The following EPB41L2 variants were observed in gnomAD, a reference collection of about 807,000 sequenced individuals.
EPB41L2 encodes band 4.1-like protein 2.
A neutral mutation model predicts 113.0 loss-of-function variants in EPB41L2; 43 were observed. The observed-to-expected ratio is 0.38, with a 90% CI of 0.30 to 0.49. EPB41L2 has a LOEUF of 0.49. Among genes scored for constraint, EPB41L2 ranks in the 20% least tolerant of loss-of-function variants. The pLI is 0.95. For synonymous variants in EPB41L2, 442 were observed against 436.7 expected (o/e 1.01, Z -0.15); for missense variants, 1,147 against 1,223.4 (o/e 0.94, Z 0.93).
At chr6:130,988,487 G>A (rs1213247812) in intron 1 of EPB41L2, among the ~76,000 whole-genome samples, 14 of 152,256 alleles carry the variant, frequency 9.2e-5, no homozygotes, top group South Asian at 6.2e-4. Flanking sequence ...GACTATTCCT[G>A]AAAAGTTTTA....
At chr6:130,982,587 A>C (rs1779622972) in intron 1 of EPB41L2, among the ~76,000 whole-genome samples, 1 of 152,210 alleles carries the variant, frequency 6.6e-6, no homozygotes, top group African/African-American at 2.4e-5. Flanking sequence ...GGACATGAAA[A>C]CTTTGTGTCA....
chr6:131,044,465 CA>C (rs1391726639), intron 1 of EPB41L2, among the ~76,000 whole-genome samples: 1 of 152,062 alleles, frequency 6.6e-6, no homozygotes, highest in Non-Finnish European at 1.5e-5. Flanking sequence ...ACATTTTTGA[CA>C]AAAAAGTAGA....
chr6:130,992,508 T>C (rs1782122929), intron 1 of EPB41L2, among the ~76,000 whole-genome samples: 1 of 152,120 alleles, frequency 6.6e-6, no homozygotes, highest in Admixed American at 6.6e-5. Flanking sequence ...ACAAACCAAA[T>C]CCCAGTAAAA....
intron 1 of EPB41L2, among the ~76,000 whole-genome samples, chr6:130,988,775 G>A (rs1781143257): frequency 6.6e-6 from 1 of 152,144 alleles, no homozygotes; most frequent in African/African-American, 2.4e-5. Flanking sequence ...CAGCTCAACA[G>A]GCAAGATAAG....
chr6:130,953,152 T>G (rs1418454194), intron 3 of EPB41L2, among the ~76,000 whole-genome samples: 3 of 151,642 alleles, frequency 2.0e-5, no homozygotes, highest in Non-Finnish European at 2.9e-5. Context: ...ATCCCCTAAT[T>G]TCTAGGATAG....
chr6:130,990,571 G>A (rs1380546932), intron 1 of EPB41L2, among the ~76,000 whole-genome samples: 1 of 152,120 alleles, frequency 6.6e-6, no homozygotes, highest in African/African-American at 2.4e-5. Context: ...CTATTTTAAA[G>A]ATAAAAATAT....
chr6:130,954,040 CTTTTTTTTTTTTTTTTT>C (rs780758511), intron 3 of EPB41L2, among the ~76,000 whole-genome samples: 1 of 58,850 alleles, frequency 1.7e-5, no homozygotes, highest in African/African-American at 5.4e-5. Context: ...CCTTTTCTTT[CTTTTTTTTTTTTTTTTT>C]TTTTTTTTTT....
chr6:131,028,759 A>G (rs9492787), intron 1 of EPB41L2, among the ~76,000 whole-genome samples: 78 of 152,322 alleles, frequency 5.1e-4, no homozygotes, highest in African/African-American at 1.9e-3. Context: ...GTATTTATAT[A>G]TACATGTTTT....
intron 1 of EPB41L2, among the ~76,000 whole-genome samples, chr6:130,958,470 A>AC (rs202102240): frequency 0.088 from 8,908 of 101,804 alleles, 362 homozygotes; most frequent in African/African-American, 0.24. Context: ...AACAACAACA[A>AC]AAAAAAAAAA....
rs763625985 is a variant in EPB41L2, at chr6:130,878,253, A to G, written c.1897-3T>C. On this transcript the variant is annotated splice_region_variant and splice_polypyrimidine_tract_variant and intron_variant, in intron 13 of 19. Transcript: ENST00000337057. ...TCCTCCTGGGCCTTATCCAGTTCCT[A>G]GCAATATGTAACGTAACAAAGGGGG... 2 of 1,603,312 alleles carry G rather than the reference A, an allele frequency of 1.2e-6. No homozygotes were observed. The highest frequency in any genetic ancestry group is 2.3e-5 in the South Asian group (2 of 87,916).
chr6:130,881,917 G>T (rs1789445343), intron 12 of EPB41L2: 1 of 151,996 alleles, frequency 6.6e-6, no homozygotes, highest in African/African-American at 2.4e-5. Context: ...AATTCATCTG[G>T]TCTCCAAATA....
At chr6:130,852,974 T>G (rs1019230163) in intron 19 of EPB41L2, among the ~76,000 whole-genome samples, 1 of 152,174 alleles carries the variant, frequency 6.6e-6, no homozygotes, top group African/African-American at 2.4e-5. Flanking sequence ...CTATTCTGAT[T>G]CAGAGGTCTC....
chr6:130,858,784 A>G (rs111721346), intron 18 of EPB41L2, among the ~76,000 whole-genome samples: 1,795 of 152,344 alleles, frequency 0.012, 46 homozygotes, highest in African/African-American at 0.041. Context: ...TTGCTGAACT[A>G]AAAGACTGCA....
chr6:130,953,340 A>G (rs990671880), intron 3 of EPB41L2, among the ~76,000 whole-genome samples: 5 of 152,130 alleles, frequency 3.3e-5, no homozygotes, highest in African/African-American at 1.2e-4. Context: ...AGAAGAAAAG[A>G]AAGCTTTAAG....
chr6:131,048,286 G>A (rs1224801264), intron 1 of EPB41L2, among the ~76,000 whole-genome samples: 2 of 151,936 alleles, frequency 1.3e-5, no homozygotes, highest in South Asian at 2.1e-4. Flanking sequence ...TTGAATATCA[G>A]TTCAGATTTG....
Position 130,869,913 on chromosome 6 carries a change from C to A in EPB41L2, c.2257G>T (p.Val753Leu), listed in dbSNP as rs748999213. 6.2e-7 allele frequency: 1 copy of A among 1,612,710 alleles called. No individual in the cohort carries two copies. Among genetic ancestry groups the A allele is most frequent in the Admixed American group, 1.7e-5 (1 of 60,004 alleles). ...SSSSESEEED[V>L]GEYRPHHRVT... ...CGGTGGTGGGGACGGTACTCTCCCA[C>A]GTCTTCCTCCTCACTCTCACTGCTG... is the stretch of plus-strand genomic sequence containing the variant. Residue 753 changes from valine to leucine, a missense_variant, in exon 15 of 20, where the codon GTG (valine) becomes TTG (leucine). Val to Leu is a conservative substitution (Grantham distance 32). Coordinates refer to ENST00000337057, the MANE Select transcript of EPB41L2 (RefSeq NM_001431.4).
At position 131,047,090 on chromosome 6, in the gene EPB41L2, T is replaced by C. The variant is rs573857245; in HGVS notation, c.-15+16065A>G. 4.6e-5 allele frequency among the ~76,000 whole-genome samples: 7 copies of C among 152,324 alleles called. No individual in the cohort carries two copies. The South Asian group carries it at 1.2e-3, about 27-fold the overall frequency. On this transcript the variant is annotated intron_variant, in intron 1 of 19. Transcript: ENST00000337057. ...CTGAGCAAGTTACTTCAAACTGCAG[T>C]GCCTCAGTTTTCTTATAGGATACTT...
At chr6:131,018,362 T>A (rs1269500648) in intron 1 of EPB41L2, among the ~76,000 whole-genome samples, 1 of 152,122 alleles carries the variant, frequency 6.6e-6, no homozygotes, top group Non-Finnish European at 1.5e-5. Flanking sequence ...CACTGAGACC[T>A]CTAAAGGACA....
intron 3 of EPB41L2, among the ~76,000 whole-genome samples, chr6:130,942,556 C>T (rs1287004404): frequency 3.9e-5 from 6 of 152,178 alleles, no homozygotes; most frequent in Non-Finnish European, 7.4e-5. Context: ...TACATCCCTT[C>T]ATTTGATGAA....
Sources: allele counts gnomAD v4.1 joint callset (sites outside exome capture counted in the v4.1 genomes callset), GRCh38; gene constraint gnomAD v4.1.1; transcripts MANE v1.5; gene names NCBI Gene and HGNC (gene_info 2026-07-23, HGNC 2026-07-21).